The following ELF2 variants were observed in gnomAD, a reference collection of about 807,000 sequenced individuals.
ELF2 encodes the protein E74 like ETS transcription factor 2.
Under a neutral mutation model 54.8 loss-of-function variants are expected in ELF2, and 11 were observed. The observed-to-expected ratio is 0.20, with a 90% CI of 0.13 to 0.33. ELF2 has a LOEUF of 0.33. Among genes scored for constraint, ELF2 ranks in the 10% least tolerant of loss-of-function variants. ELF2 has a pLI of 1.00. For missense variants in ELF2, 513 were observed against 703.0 expected, an observed-to-expected ratio of 0.73 and a Z score of 3.06; for synonymous variants, 203 against 245.1, an observed-to-expected ratio of 0.83 and a Z score of 1.61.
intron 4 of ELF2, among the ~76,000 whole-genome samples, chr4:139,086,121 ATTTTTT>A (rs1032706718): frequency 6.6e-6 from 1 of 152,066 alleles, no homozygotes; most frequent in Non-Finnish European, 1.5e-5. Flanking sequence ...AAAATGGTTG[ATTTTTT>A]TTAATGTCAA....
At chr4:139,115,999 G>T (rs546921212) in intron 4 of ELF2, among the ~76,000 whole-genome samples, 42 of 152,016 alleles carry the variant, frequency 2.8e-4, no homozygotes, top group Non-Finnish European at 5.0e-4. Flanking sequence ...CCACCACCAC[G>T]CCTGGCTAAT....
At chr4:139,070,946 G>A (rs560636025) in intron 6 of ELF2, among the ~76,000 whole-genome samples, 1 of 152,192 alleles carries the variant, frequency 6.6e-6, no homozygotes, top group Admixed American at 6.5e-5. Context: ...ACTCTAAAAT[G>A]TGAAGAGTTA....
Position 139,177,140 on chromosome 4 carries a change from G to C in ELF2, c.-425C>G, listed in dbSNP as rs1274723786. The stretch of plus-strand genomic sequence containing the variant: ...ACAGAGGCTCGCCGCCCCGCGCAGC[G>C]ACCCCCGCCCGCGCCGCCCCACCGA... On this transcript the variant is annotated 5_prime_UTR_variant, in exon 1 of 10. Transcript: ENST00000686138. 6.6e-6 allele frequency: 1 copy of C among 152,070 alleles called. No homozygotes were observed. Among genetic ancestry groups the C allele is most frequent in the Non-Finnish European group, 1.5e-5 (1 of 68,230 alleles). 9.4% of individuals were successfully genotyped at this position (152,070 alleles called of 1,614,324 possible). A position where few individuals can be genotyped will look rare whatever the true frequency, so the allele number is the denominator to read the frequency against.
intron 1 of ELF2, among the ~76,000 whole-genome samples, chr4:139,170,094 T>C (rs963205987): frequency 2.6e-5 from 4 of 152,050 alleles, no homozygotes; most frequent in African/African-American, 9.7e-5. Flanking sequence ...ATCTAACTGT[T>C]AGAGTTAAAA....
chr4:139,121,334 T>A (rs1736328267), intron 4 of ELF2, among the ~76,000 whole-genome samples: 1 of 151,576 alleles, frequency 6.6e-6, no homozygotes, highest in Non-Finnish European at 1.5e-5. Context: ...GGTCTCGATC[T>A]CCTGACCTCG....
chr4:139,062,634 A>C (rs970351475), intron 7 of ELF2, among the ~76,000 whole-genome samples: 2 of 152,292 alleles, frequency 1.3e-5, no homozygotes, highest in Non-Finnish European at 2.9e-5. Flanking sequence ...TGAATTAAAC[A>C]GAATCAAATT....
chr4:139,106,825 C>A (rs1228954032), intron 4 of ELF2, among the ~76,000 whole-genome samples: 2 of 150,114 alleles, frequency 1.3e-5, no homozygotes, highest in African/African-American at 4.9e-5. Flanking sequence ...CTCACTGCAA[C>A]CTCCGCCTGC....
chr4:139,168,385 GTTAT>G (rs1344583915), intron 1 of ELF2, among the ~76,000 whole-genome samples: 1 of 152,096 alleles, frequency 6.6e-6, no homozygotes, highest in Non-Finnish European at 1.5e-5. Context: ...CTTTGTACAT[GTTAT>G]TTGTTACATT....
chr4:139,142,244 T>C (rs1738775183), intron 1 of ELF2, among the ~76,000 whole-genome samples: 1 of 152,148 alleles, frequency 6.6e-6, no homozygotes, highest in Admixed American at 6.5e-5. Flanking sequence ...AAGTGACATA[T>C]GAGTAAAAAC....
rs180973776 is a variant in ELF2 at position 139,166,054 on chromosome 4, C to G, written c.-252+10913G>C. Among the ~76,000 whole-genome samples, 551 of 152,180 alleles carry G rather than the reference C, an allele frequency of 3.6e-3. 5 individuals carry two copies. The highest frequency in any genetic ancestry group is 3.6e-3 in the Non-Finnish European group (244 of 68,008). On this transcript the variant is annotated intron_variant, in intron 1 of 9. Coordinates refer to ENST00000686138, the MANE Select transcript of ELF2 (RefSeq NM_001331036.3). ...CACAGTTTTGATTCTTCTCTAAAAA[C>G]AGGCTGGGCATGGTGGCTCACGCCT...
intron 4 of ELF2, among the ~76,000 whole-genome samples, chr4:139,078,959 C>T (rs1490184252): frequency 2.0e-5 from 3 of 152,132 alleles, no homozygotes; most frequent in Admixed American, 6.5e-5. Flanking sequence ...GACAAGGTCT[C>T]GCTTTGTTGC....
intron 4 of ELF2, among the ~76,000 whole-genome samples, chr4:139,077,032 G>A (rs561578098): frequency 1.7e-4 from 26 of 152,190 alleles, no homozygotes; most frequent in African/African-American, 6.3e-4. Flanking sequence ...ACGTACAACT[G>A]ACAAATCGTT....
At chr4:139,075,229 A>G (rs1185288184) in intron 4 of ELF2, among the ~76,000 whole-genome samples, 2 of 152,246 alleles carry the variant, frequency 1.3e-5, no homozygotes, top group Non-Finnish European at 2.9e-5. Flanking sequence ...TTCAGGTCCA[A>G]CAGCTTGGGT....
intron 4 of ELF2, among the ~76,000 whole-genome samples, chr4:139,118,354 T>G (rs556174586): frequency 1.3e-5 from 2 of 152,296 alleles, no homozygotes; most frequent in South Asian, 2.1e-4. Context: ...CTTCATGTAG[T>G]TGGGCCTTAA....
chr4:139,112,455 G>A (rs1298228198), intron 4 of ELF2, among the ~76,000 whole-genome samples: 4 of 152,212 alleles, frequency 2.6e-5, no homozygotes, highest in African/African-American at 9.7e-5. Flanking sequence ...CAGCTCTGAG[G>A]CTGGGACATT....
At chr4:139,157,343 TAC>T (rs924725370) in intron 1 of ELF2, among the ~76,000 whole-genome samples, 1 of 152,146 alleles carries the variant, frequency 6.6e-6, no homozygotes, top group Admixed American at 6.6e-5. Context: ...CTCTCTCTTA[TAC>T]ACACACACGG....
chr4:139,147,778 A>ATT (rs767408414), intron 1 of ELF2, among the ~76,000 whole-genome samples: 19 of 120,138 alleles, frequency 1.6e-4, no homozygotes, highest in East Asian at 9.5e-4. Context: ...CCAGCCAGAG[A>ATT]TTTTTTTTTT....
chr4:139,139,239 C>T (rs1199018560), intron 2 of ELF2, among the ~76,000 whole-genome samples, 174 bp downstream of exon 2: 1 of 152,114 alleles, frequency 6.6e-6, no homozygotes, highest in Non-Finnish European at 1.5e-5. Flanking sequence ...GAAATTTCAT[C>T]TTACTGATCA....
chr4:139,137,755 A>C lies in ELF2; in HGVS notation c.-54T>G, dbSNP rs2148861908. ...TATTAATCAATGAAATTAAAGGTTCACTGATGGTTGCCAGTGTTATAGGTT... is the reference window on the plus strand; with the variant it reads ...TATTAATCAATGAAATTAAAGGTTCCCTGATGGTTGCCAGTGTTATAGGTT... On this transcript the variant is annotated 5_prime_UTR_variant, in exon 3 of 10. The change abolishes the stop of an existing upstream ORF in the 5' untranslated region. Coordinates refer to ENST00000686138, the MANE Select transcript of ELF2 (RefSeq NM_001331036.3). 1.2e-6 allele frequency: 2 copies of C among 1,609,264 alleles called. No individual in the cohort carries two copies. Among genetic ancestry groups the C allele is most frequent in the East Asian group, 2.2e-5 (1 of 44,796 alleles).
Sources: allele counts gnomAD v4.1 joint callset (sites outside exome capture counted in the v4.1 genomes callset), GRCh38; gene constraint gnomAD v4.1.1; transcripts MANE v1.5; gene names NCBI Gene and HGNC (gene_info 2026-07-23, HGNC 2026-07-21).